Variants in SLC7A2 observed in about 807,000 individuals in gnomAD.
SLC7A2 encodes the protein solute carrier family 7 member 2.
In SLC7A2, 48 loss-of-function variants were observed where a neutral mutation model predicts 58.9. The observed-to-expected ratio is 0.82, with a 90% CI of 0.65 to 1.04. The LOEUF is 1.04. Ranked by LOEUF, SLC7A2 falls within the 50% of genes least tolerant of loss-of-function variation. The probability of loss-of-function intolerance (pLI) is 0.00; values close to 1 mark genes in which losing one functional copy is unlikely to be tolerated. For synonymous variants in SLC7A2, 363 were observed against 314.5 expected (o/e 1.15, Z -1.63); for missense variants, 1,029 against 818.8 (o/e 1.26, Z -3.13).
intron 2 of SLC7A2, among the ~76,000 whole-genome samples, chr8:17,508,301 T>C (rs1800455869): frequency 6.6e-6 from 1 of 152,218 alleles, no homozygotes; most frequent in South Asian, 2.1e-4. Context: ...TCTTTTTTGC[T>C]ACAGAGTACA....
chr8:17,516,602 A>G (rs1465929255), intron 2 of SLC7A2, among the ~76,000 whole-genome samples: 1 of 152,172 alleles, frequency 6.6e-6, no homozygotes, highest in Non-Finnish European at 1.5e-5. Flanking sequence ...TAACTCGTAG[A>G]GATTATTAGC....
chr8:17,504,807 A>G (rs973794742), intron 2 of SLC7A2, among the ~76,000 whole-genome samples: 5 of 152,210 alleles, frequency 3.3e-5, no homozygotes, highest in Non-Finnish European at 7.3e-5. Context: ...CAGGAGAACT[A>G]AAGAAATTCA....
chr8:17,541,909 A>T (rs1347402589), intron 2 of SLC7A2, among the ~76,000 whole-genome samples: 1 of 151,816 alleles, frequency 6.6e-6, no homozygotes, highest in Non-Finnish European at 1.5e-5. Context: ...TTATAACCTG[A>T]TTTTTTTTCA....
intron 2 of SLC7A2, among the ~76,000 whole-genome samples, chr8:17,506,578 A>C (rs550841503): frequency 1.3e-5 from 2 of 152,344 alleles, no homozygotes; most frequent in South Asian, 4.1e-4. Flanking sequence ...GTGCCTCAGA[A>C]TGACATTTTA....
At chr8:17,538,913 A>G in intron 2 of SLC7A2, 4 of 1,613,222 alleles carry the variant, frequency 2.5e-6, no homozygotes, top group Non-Finnish European at 3.4e-6. Context: ...TGCGACAGCA[A>G]GTTTCTCCTG....
chr8:17,525,617 T>C (rs1014746779), intron 2 of SLC7A2, among the ~76,000 whole-genome samples: 8 of 152,162 alleles, frequency 5.3e-5, no homozygotes, highest in African/African-American at 1.9e-4. Flanking sequence ...AATTTGACAA[T>C]GAACTGGTTA....
intron 2 of SLC7A2, among the ~76,000 whole-genome samples, chr8:17,506,133 C>T (rs1208223679): frequency 6.6e-6 from 1 of 152,180 alleles, no homozygotes; most frequent in Non-Finnish European, 1.5e-5. Flanking sequence ...TGGAGTAGGA[C>T]TTGTGTCTGT....
chr8:17,564,698 TG>T (rs1159498358), intron 12 of SLC7A2, among the ~76,000 whole-genome samples: 2 of 152,090 alleles, frequency 1.3e-5, no homozygotes, highest in Non-Finnish European at 2.9e-5. Flanking sequence ...AGAGCTCAGG[TG>T]GTAATGTTCA....
chr8:17,563,789 G>A, intron 12 of SLC7A2, 78 bp downstream of exon 12: 2 of 829,192 alleles, frequency 2.4e-6, no homozygotes, highest in Non-Finnish European at 4.0e-6. Flanking sequence ...CCCCATCCTG[G>A]GAATAAAGGC....
chr8:17,528,894 A>G (rs1209570883), intron 2 of SLC7A2, among the ~76,000 whole-genome samples: 2 of 152,162 alleles, frequency 1.3e-5, no homozygotes, highest in Non-Finnish European at 2.9e-5. Flanking sequence ...AGGAGAAGAC[A>G]GGATGTCCTT....
intron 2 of SLC7A2, among the ~76,000 whole-genome samples, chr8:17,527,006 G>A (rs1251835845): frequency 2.0e-5 from 3 of 151,982 alleles, no homozygotes; most frequent in African/African-American, 7.2e-5. Flanking sequence ...ATCCTGAAGG[G>A]ACATCTTGGT....
chr8:17,518,296 T>C (rs1396993936), intron 2 of SLC7A2, among the ~76,000 whole-genome samples: 2 of 152,140 alleles, frequency 1.3e-5, no homozygotes, highest in East Asian at 3.9e-4. Context: ...TTCTCTTCAG[T>C]GTGCTATATT....
intron 2 of SLC7A2, among the ~76,000 whole-genome samples, chr8:17,503,535 A>C (rs1585177294): frequency 6.6e-6 from 1 of 152,112 alleles, no homozygotes; most frequent in East Asian, 1.9e-4. Flanking sequence ...CAGCTTGCCA[A>C]GGTACTTGTC....
Position 17,551,797 on chromosome 8 carries a change from C to G in SLC7A2, c.866C>G (p.Pro289Arg), listed in dbSNP as rs772325800. ...EEVRNPQKAI[P>R]IGIVTSLLVC... ...GTTCGGAATCCCCAGAAAGCTATTC[C>G]CATTGGAATTGTGACGTCTTTGCTT... The change falls in exon 7 of 13, where the codon CCC becomes CGC. Residue 289 changes from proline to arginine, a missense_variant. Coordinates refer to ENST00000494857, the MANE Select transcript of SLC7A2 (RefSeq NM_001370338.1). 1 of 1,613,830 alleles carries G rather than the reference C, an allele frequency of 6.2e-7. No homozygotes were observed. The highest frequency in any genetic ancestry group is 8.5e-7 in the Non-Finnish European group (1 of 1,179,944).
intron 9 of SLC7A2, among the ~76,000 whole-genome samples, chr8:17,560,014 T>C (rs557896070): frequency 3.3e-5 from 5 of 152,354 alleles, no homozygotes; most frequent in East Asian, 3.9e-4. Flanking sequence ...CGCATTTCCT[T>C]TGGACATAGG....
At position 17,560,396 on chromosome 8, in the gene SLC7A2, C is replaced by A; in HGVS notation, c.1367C>A (p.Pro456His). 2 of 1,614,098 alleles carry A rather than the reference C, an allele frequency of 1.2e-6. No homozygotes were observed. The highest frequency in any genetic ancestry group is 1.7e-5 in the Admixed American group (1 of 60,012). Reference protein sequence around the residue: ...SPEKDGLGSSPRVTSKSESQV... With the variant: ...SPEKDGLGSSHRVTSKSESQV... The stretch of plus-strand genomic sequence containing the variant: ...GAGAAAGATGGTCTGGGATCGTCTC[C>A]CAGGGTAACCTCGAAGAGTGAGTCC... The change falls in exon 10 of 13, where the codon CCC becomes CAC. Residue 456 changes from proline to histidine, a missense_variant. Transcript: ENST00000494857.
intron 2 of SLC7A2, among the ~76,000 whole-genome samples, chr8:17,540,689 A>G (rs1245349894): frequency 6.6e-6 from 1 of 152,072 alleles, no homozygotes; most frequent in Non-Finnish European, 1.5e-5. Flanking sequence ...AAAAGCTTTT[A>G]CTGTTTTAAC....
Position 17,518,950 on chromosome 8 carries a change from C to A in SLC7A2, c.-23+16648C>A, listed in dbSNP as rs112928417. 1.7e-3 allele frequency among the ~76,000 whole-genome samples: 252 copies of A among 152,258 alleles called. 1 individual carries two copies. The highest frequency in any genetic ancestry group is 5.5e-3 in the African/African-American group (230 of 41,562). On this transcript the variant is annotated intron_variant, in intron 2 of 12. Coordinates refer to ENST00000494857, the MANE Select transcript of SLC7A2 (RefSeq NM_001370338.1). ...CCTGGCCTGCAGACGGCAGCCTTCT[C>A]CCTGTGTCCTCAGTTGGTAGAGAGA...
At chr8:17,504,177 C>G (rs955258010) in intron 2 of SLC7A2, among the ~76,000 whole-genome samples, 5 of 152,172 alleles carry the variant, frequency 3.3e-5, no homozygotes, top group African/African-American at 1.2e-4. Flanking sequence ...CATCCTGAAA[C>G]AAAATGGCAC....
Sources: allele counts gnomAD v4.1 joint callset (sites outside exome capture counted in the v4.1 genomes callset), GRCh38; gene constraint gnomAD v4.1.1; transcripts MANE v1.5; gene names NCBI Gene and HGNC (gene_info 2026-07-23, HGNC 2026-07-21).